The following B3GALT1 variants were observed in gnomAD, a reference collection of about 807,000 sequenced individuals.
B3GALT1 encodes beta-1,3-galactosyltransferase 1, also known as UDP-Gal:betaGlcNAc beta 1,3-galactosyltransferase, polypeptide 1.
In B3GALT1, 10 loss-of-function variants were observed where a neutral mutation model predicts 23.2. The observed-to-expected ratio is 0.43, with a 90% CI of 0.27 to 0.73. The LOEUF (loss-of-function observed/expected upper bound fraction) is 0.73. B3GALT1 is among the 30% of genes least tolerant of loss of function. B3GALT1 has a pLI of 0.21. For synonymous variants in B3GALT1, 156 were observed against 141.5 expected, an observed-to-expected ratio of 1.10 and a Z score of -0.73; for missense variants, 299 against 405.4, an observed-to-expected ratio of 0.74 and a Z score of 2.25.
intron 3 of B3GALT1, among the ~76,000 whole-genome samples, chr2:167,755,421 C>T (rs1340173317): frequency 6.6e-6 from 1 of 150,694 alleles, no homozygotes; most frequent in African/African-American, 2.4e-5. Flanking sequence ...TACTCTTCTC[C>T]CTCCAAACTT....
intron 3 of B3GALT1, among the ~76,000 whole-genome samples, chr2:167,735,889 TGAAGAA>T (rs1380891678): frequency 6.6e-6 from 1 of 152,024 alleles, no homozygotes; most frequent in Non-Finnish European, 1.5e-5. Context: ...ATCCACATGA[TGAAGAA>T]GGAGAAGGAA....
intron 2 of B3GALT1, among the ~76,000 whole-genome samples, chr2:167,644,553 G>T (rs1685710408): frequency 1.3e-5 from 2 of 152,000 alleles, no homozygotes; most frequent in Non-Finnish European, 2.9e-5. Context: ...GGCTAAGGCG[G>T]GTGGATCACG....
chr2:167,631,310 C>T (rs148643875), intron 2 of B3GALT1, among the ~76,000 whole-genome samples: 85 of 151,848 alleles, frequency 5.6e-4, no homozygotes, highest in African/African-American at 2.0e-3. Context: ...GGACAAAACA[C>T]CTGGAGAAGA....
chr2:167,499,798 T>C (rs985457467), intron 2 of B3GALT1, among the ~76,000 whole-genome samples: 2 of 152,102 alleles, frequency 1.3e-5, no homozygotes, highest in African/African-American at 2.4e-5. Context: ...AAATTACAGT[T>C]CTTCCTTTCC....
chr2:167,489,238 C>A (rs1699668940), intron 1 of B3GALT1, among the ~76,000 whole-genome samples: 1 of 152,194 alleles, frequency 6.6e-6, no homozygotes, highest in Non-Finnish European at 1.5e-5. Flanking sequence ...TACATCACTA[C>A]ACCATTGGCG....
rs1159357073 is a variant in B3GALT1 at position 167,435,433 on chromosome 2, C to CAAAAAA, written c.-510-54720_-510-54715dup. On this transcript the variant is annotated intron_variant, in intron 1 of 4. Coordinates refer to ENST00000392690, the MANE Select transcript of B3GALT1 (RefSeq NM_020981.4). ...AGCGTGCTTTAGAAACATATGCTTG[C>CAAAAAA]AAAAAAAAAAAAAAAAAAAAAAAAA... Among the ~76,000 whole-genome samples the CAAAAAA allele has an allele frequency of 1.1e-3, 28 of 26,208 alleles. 1 individual carries two copies. The highest frequency in any genetic ancestry group is 1.5e-3 in the Admixed American group (2 of 1,350). 17.2% of individuals were successfully genotyped at this position (26,208 alleles called of 152,430 possible). A position where few individuals can be genotyped will look rare whatever the true frequency, so the allele number is the denominator to read the frequency against.
intron 1 of B3GALT1, among the ~76,000 whole-genome samples, chr2:167,362,231 A>C (rs1182793885): frequency 2.0e-5 from 3 of 152,142 alleles, no homozygotes; most frequent in Non-Finnish European, 2.9e-5. Context: ...TTTGACTTTG[A>C]AAACTCTTTG....
chr2:167,840,362 A>G (rs1373015668), intron 4 of B3GALT1, among the ~76,000 whole-genome samples: 3 of 152,038 alleles, frequency 2.0e-5, no homozygotes, highest in Non-Finnish European at 4.4e-5. Context: ...AAAAGTGGGC[A>G]AAGGACATGA....
intron 1 of B3GALT1, among the ~76,000 whole-genome samples, chr2:167,381,302 CCTT>C (rs1309771270): frequency 2.0e-5 from 3 of 152,162 alleles, no homozygotes; most frequent in East Asian, 1.9e-4. Context: ...CTTAAGCAAT[CCTT>C]CTGCCTTGGC....
chr2:167,800,769 G>T (rs1688626676), intron 3 of B3GALT1, among the ~76,000 whole-genome samples: 1 of 152,112 alleles, frequency 6.6e-6, no homozygotes, highest in African/African-American at 2.4e-5. Context: ...ACTCGGGATG[G>T]GCACTTGTTG....
chr2:167,697,775 A>G (rs1292813705), intron 3 of B3GALT1, among the ~76,000 whole-genome samples: 2 of 152,216 alleles, frequency 1.3e-5, no homozygotes, highest in African/African-American at 4.8e-5. Context: ...GCATAGCTCA[A>G]GAAGCAGATA....
chr2:167,715,511 G>A, intron 3 of B3GALT1: 4 of 1,612,460 alleles, frequency 2.5e-6, no homozygotes, highest in Non-Finnish European at 1.7e-6. Flanking sequence ...AGCTATTTGT[G>A]ATTTGAGGGA....
chr2:167,530,914 A>G (rs1487424227), intron 2 of B3GALT1, among the ~76,000 whole-genome samples: 1 of 152,220 alleles, frequency 6.6e-6, no homozygotes. Flanking sequence ...ATTAGCCTGC[A>G]TATTCAGTAC....
chr2:167,776,607 T>C (rs926834787), intron 3 of B3GALT1, among the ~76,000 whole-genome samples: 4 of 152,176 alleles, frequency 2.6e-5, no homozygotes, highest in Admixed American at 1.3e-4. Context: ...GGCCGAGAAC[T>C]CCACTATGGT....
intron 1 of B3GALT1, among the ~76,000 whole-genome samples, chr2:167,300,725 G>A (rs1696431076): frequency 6.6e-6 from 1 of 152,114 alleles, no homozygotes; most frequent in Non-Finnish European, 1.5e-5. Flanking sequence ...TGTGAAAAAT[G>A]TAAACTCCCT....
At chr2:167,548,027 A>T (rs10184592) in intron 2 of B3GALT1, among the ~76,000 whole-genome samples, 2,282 of 152,308 alleles carry the variant, frequency 0.015, 19 homozygotes, top group South Asian at 0.032. Flanking sequence ...TTAAATGTTA[A>T]CCTTTTGAAC....
At chr2:167,741,669 C>T (rs1687578919) in intron 3 of B3GALT1, among the ~76,000 whole-genome samples, 1 of 152,138 alleles carries the variant, frequency 6.6e-6, no homozygotes, top group South Asian at 2.1e-4. Context: ...GCCCTTGTAA[C>T]CACAATGGTT....
intron 3 of B3GALT1, among the ~76,000 whole-genome samples, chr2:167,750,734 CAAA>C (rs527622209): frequency 1.0e-4 from 6 of 58,540 alleles, no homozygotes; most frequent in Middle Eastern, 0.011. Flanking sequence ...GACTGTTGAG[CAAA>C]AAAAAAAAAA....
chr2:167,378,313 TTTTTTGTAG>T (rs1029791214), intron 1 of B3GALT1, among the ~76,000 whole-genome samples: 28 of 152,122 alleles, frequency 1.8e-4, no homozygotes, highest in Admixed American at 2.0e-4. Context: ...GTGATGTTCA[TTTTTTGTAG>T]TATCTCGCAG....
Sources: allele counts gnomAD v4.1 joint callset (sites outside exome capture counted in the v4.1 genomes callset), GRCh38; gene constraint gnomAD v4.1.1; transcripts MANE v1.5; gene names NCBI Gene and HGNC (gene_info 2026-07-23, HGNC 2026-07-21).